ZNRF2: variants seen among roughly 807,000 people sequenced by gnomAD.
The protein encoded by ZNRF2 is E3 ubiquitin-protein ligase ZNRF2.
Under a neutral mutation model 20.4 loss-of-function variants are expected in ZNRF2, and 16 were observed. The ratio of observed to expected loss-of-function variants is 0.79; its 90% CI spans 0.53 to 1.19. The LOEUF is 1.19. ZNRF2 is among the 50% of genes most tolerant of loss of function. The pLI is 0.00. For synonymous variants in ZNRF2, 178 were observed against 144.9 expected (o/e 1.23, Z -1.64); for missense variants, 363 against 332.4 (o/e 1.09, Z -0.72).
intron 1 of ZNRF2, among the ~76,000 whole-genome samples, chr7:30,306,187 TA>T (rs1799201790): frequency 6.6e-6 from 1 of 152,182 alleles, no homozygotes; most frequent in African/African-American, 2.4e-5. Context: ...ATCAAAATAA[TA>T]AATTCTCCTA....
chr7:30,347,712 CA>C (rs781233452), intron 2 of ZNRF2, among the ~76,000 whole-genome samples: 1 of 151,678 alleles, frequency 6.6e-6, no homozygotes, highest in Admixed American at 6.6e-5. Flanking sequence ...GACTCTGTCT[CA>C]AAAAAAATAA....
chr7:30,328,426 T>C lies in ZNRF2; in HGVS notation c.565+4689T>C, dbSNP rs141584178. 2.4e-4 allele frequency among the ~76,000 whole-genome samples: 36 copies of C among 152,340 alleles called. No individual in the cohort carries two copies. In the East Asian group the frequency reaches 6.0e-3, roughly 25 times the overall value. On this transcript the variant is annotated intron_variant, in intron 2 of 4. Transcript: ENST00000323037. Reference sequence around the variant, plus strand: ...CATACTGTTCATTTAACTTACACTTTTGCAGCCTTTTCCAAAGTAGCTAGA... The same window carrying C: ...CATACTGTTCATTTAACTTACACTTCTGCAGCCTTTTCCAAAGTAGCTAGA...
chr7:30,294,719 A>G (rs1798979515), intron 1 of ZNRF2, among the ~76,000 whole-genome samples: 1 of 151,626 alleles, frequency 6.6e-6, no homozygotes, highest in African/African-American at 2.4e-5. Flanking sequence ...TGGGAGGTGA[A>G]GGTTGCAGTG....
At chr7:30,295,621 G>C (rs1182582345) in intron 1 of ZNRF2, among the ~76,000 whole-genome samples, 2 of 152,122 alleles carry the variant, frequency 1.3e-5, no homozygotes, top group Non-Finnish European at 2.9e-5. Flanking sequence ...GAAGCAGGAG[G>C]ATCGCTTGAA....
At chr7:30,300,011 C>T (rs1222811634) in intron 1 of ZNRF2, among the ~76,000 whole-genome samples, 1 of 152,032 alleles carries the variant, frequency 6.6e-6, no homozygotes, top group Non-Finnish European at 1.5e-5. Flanking sequence ...GTCTTGATCT[C>T]CTGACCTCGT....
chr7:30,358,283 A>G (rs1170919532), intron 3 of ZNRF2, among the ~76,000 whole-genome samples: 1 of 152,238 alleles, frequency 6.6e-6, no homozygotes, highest in Non-Finnish European at 1.5e-5. Flanking sequence ...AAAAAAGGAA[A>G]TATCTCTTAA....
intron 3 of ZNRF2, among the ~76,000 whole-genome samples, chr7:30,356,672 A>G (rs2127956627): frequency 6.6e-6 from 1 of 151,680 alleles, no homozygotes; most frequent in East Asian, 1.9e-4. Flanking sequence ...GAATTCCTAT[A>G]GAATGACAAA....
chr7:30,353,815 AGTG>A (rs1159550995), intron 2 of ZNRF2, among the ~76,000 whole-genome samples: 7 of 152,128 alleles, frequency 4.6e-5, no homozygotes, highest in African/African-American at 1.2e-4. Flanking sequence ...TTTGATAAAA[AGTG>A]GTGGTTAACT....
chr7:30,337,161 T>G (rs1417403221), intron 2 of ZNRF2, among the ~76,000 whole-genome samples: 2 of 152,214 alleles, frequency 1.3e-5, no homozygotes, highest in Non-Finnish European at 2.9e-5. Flanking sequence ...CTATGTTGTT[T>G]GCACAGATAT....
chr7:30,349,840 C>G (rs956984999), intron 2 of ZNRF2, among the ~76,000 whole-genome samples: 1 of 151,868 alleles, frequency 6.6e-6, no homozygotes, highest in African/African-American at 2.4e-5. Context: ...TTCAATAGTT[C>G]CATTTTTTTT....
At chr7:30,306,808 A>G (rs569325581) in intron 1 of ZNRF2, among the ~76,000 whole-genome samples, 2 of 152,280 alleles carry the variant, frequency 1.3e-5, no homozygotes, top group South Asian at 2.1e-4. Flanking sequence ...TAAGTAGCTC[A>G]GTGTCCAAAT....
At chr7:30,311,440 A>G (rs1799291002) in intron 1 of ZNRF2, among the ~76,000 whole-genome samples, 1 of 152,222 alleles carries the variant, frequency 6.6e-6, no homozygotes, top group Non-Finnish European at 1.5e-5. Context: ...TAGCTAAGGA[A>G]GTATATAATG....
chr7:30,330,196 A>G lies in ZNRF2; in HGVS notation c.565+6459A>G, dbSNP rs192664690. Among the ~76,000 whole-genome samples the G allele has an allele frequency of 4.3e-4, 66 of 152,224 alleles. No homozygotes were observed. In the East Asian group the frequency reaches 0.012, roughly 27 times the overall value. ...CTTTGTTTTACTTGTGGTTGGTACT[A>G]TGTTTGTGCATGTGTACTTAGAAGA... is the stretch of plus-strand genomic sequence containing the variant. On this transcript the variant is annotated intron_variant, in intron 2 of 4. Transcript: ENST00000323037.
At chr7:30,365,952 A>T (rs930560776) in intron 4 of ZNRF2, 83 bp from the exon 5 acceptor site, 15 of 152,170 alleles carry the variant, frequency 9.9e-5, no homozygotes, top group African/African-American at 3.6e-4. Context: ...CACTGATTTT[A>T]TGAGTTTTCA....
intron 1 of ZNRF2, chr7:30,289,788 G>C (rs1205386100): frequency 1.9e-6 from 1 of 534,456 alleles, no homozygotes; most frequent in East Asian, 5.5e-5. Context: ...TAAGAACCTG[G>C]TATTTTGATG....
chr7:30,342,290 T>C (rs775317910), intron 2 of ZNRF2, among the ~76,000 whole-genome samples: 2 of 152,208 alleles, frequency 1.3e-5, no homozygotes, highest in Non-Finnish European at 2.9e-5. Context: ...CTGGTTATTT[T>C]CCCTGTTAGT....
rs73309214 is a variant in ZNRF2, at chr7:30,347,992, C to A, written c.566-7736C>A. 3.2e-3 allele frequency among the ~76,000 whole-genome samples: 487 copies of A among 152,178 alleles called. 2 individuals carry two copies. Among genetic ancestry groups the A allele is most frequent in the African/African-American group, 0.011 (466 of 41,514 alleles). Reference sequence around the variant, plus strand: ...AGAATTTTATGTTTTGCCTTAATATCTCAGGAATGGACATTTTAAATATTT... The same window carrying A: ...AGAATTTTATGTTTTGCCTTAATATATCAGGAATGGACATTTTAAATATTT... On this transcript the variant is annotated intron_variant, in intron 2 of 4. Coordinates refer to ENST00000323037, the MANE Select transcript of ZNRF2 (RefSeq NM_147128.4).
chr7:30,336,435 G>A (rs1017901937), intron 2 of ZNRF2, among the ~76,000 whole-genome samples: 1 of 152,022 alleles, frequency 6.6e-6, no homozygotes, highest in African/African-American at 2.4e-5. Flanking sequence ...GCTCCGTCTT[G>A]GGGGGAACTA....
chr7:30,308,185 T>A (rs1164313854), intron 1 of ZNRF2, among the ~76,000 whole-genome samples: 1 of 152,212 alleles, frequency 6.6e-6, no homozygotes, highest in Non-Finnish European at 1.5e-5. Flanking sequence ...GGAATCATAC[T>A]CTTTTTTGGG....
Sources: gnomAD v4.1 joint callset for allele counts (sites outside exome capture counted in the v4.1 genomes callset) on GRCh38, gnomAD v4.1.1 for gene constraint, MANE v1.5 for transcripts, NCBI Gene and HGNC (gene_info 2026-07-23, HGNC 2026-07-21) for gene names.